Variants in GNG4 observed in about 807,000 individuals in gnomAD.
The protein encoded by GNG4 is G protein subunit gamma 4.
Under a neutral mutation model 5.8 loss-of-function variants are expected in GNG4, and 4 were observed. That is an observed-to-expected ratio of 0.69 (90% confidence interval 0.34 to 1.57). The LOEUF (loss-of-function observed/expected upper bound fraction) is 1.57, where lower values mean the gene tolerates loss of function less well. Ranked by LOEUF, GNG4 falls within the 40% of genes most tolerant of loss-of-function variation. The pLI is 0.06. For missense variants in GNG4, 96 were observed against 95.1 expected, an observed-to-expected ratio of 1.01 and a Z score of -0.04; for synonymous variants, 29 against 32.9, an observed-to-expected ratio of 0.88 and a Z score of 0.41.
rs1295292921 is a variant in GNG4 at position 235,607,180 on chromosome 1, C to T, written c.-122-11669G>A. 2.0e-5 allele frequency among the ~76,000 whole-genome samples: 3 copies of T among 152,066 alleles called. No homozygotes were observed. In the East Asian group the frequency reaches 5.8e-4, roughly 29 times the overall value. On this transcript the variant is annotated intron_variant, in intron 1 of 3. Coordinates refer to ENST00000391854, the MANE Select transcript of GNG4 (RefSeq NM_001098722.2). The stretch of plus-strand genomic sequence containing the variant: ...CAGGCTGGTCTTGAACTCCTGACCT[C>T]AAATGATCCCCCCGCCTTGGCCTCC...
intron 2 of GNG4, among the ~76,000 whole-genome samples, chr1:235,594,899 G>C (rs775379446): frequency 6.6e-6 from 1 of 152,222 alleles, no homozygotes; most frequent in Admixed American, 6.5e-5. Context: ...AGGAGGCGCC[G>C]AGAGCGAGCA....
intron 1 of GNG4, chr1:235,616,017 G>A (rs1055063834): frequency 3.9e-5 from 13 of 336,130 alleles, no homozygotes; most frequent in Non-Finnish European, 5.2e-5. Flanking sequence ...CTCTTTCACC[G>A]TCTGTGTGGT....
At chr1:235,603,982 CT>C (rs1224595973) in intron 1 of GNG4, among the ~76,000 whole-genome samples, 2 of 152,068 alleles carry the variant, frequency 1.3e-5, no homozygotes, top group Non-Finnish European at 2.9e-5. Context: ...TATCCACTCC[CT>C]CACCTAGCTG....
rs186340438 is a variant in GNG4 at position 235,584,377 on chromosome 1, C to A, written c.-10-529G>T. Among the ~76,000 whole-genome samples, 22 of 152,270 alleles carry A rather than the reference C, an allele frequency of 1.4e-4. No homozygotes were observed. In the East Asian group the frequency reaches 3.7e-3, roughly 25 times the overall value. Reference sequence around the variant, plus strand: ...CAAACTCAAAGCTTTGAAGCCTAGCCGAGTGTCTCAAATGGCCTCTCCTAA... The same window carrying A: ...CAAACTCAAAGCTTTGAAGCCTAGCAGAGTGTCTCAAATGGCCTCTCCTAA... On this transcript the variant is annotated intron_variant, in intron 2 of 3. Transcript: ENST00000391854.
rs866482337 is a variant in GNG4 at position 235,649,699 on chromosome 1, G to C, written c.-160C>G. Reference sequence around the variant, plus strand: ...CACGCGCGGGCTTCGTCTGCAGCGCGGTGCTCGCGGGGGGCGGCCAGGCCG... The same window carrying C: ...CACGCGCGGGCTTCGTCTGCAGCGCCGTGCTCGCGGGGGGCGGCCAGGCCG... On this transcript the variant is annotated 5_prime_UTR_variant, in exon 1 of 4. Transcript: ENST00000391854. This position sits in a 1 kb window ranked among gnomAD's most constrained non-coding sequence, Gnocchi z 5.7. 1.4e-4 allele frequency: 22 copies of C among 152,038 alleles called. No individual in the cohort carries two copies. Among genetic ancestry groups the C allele is most frequent in the Middle Eastern group, 3.4e-3 (1 of 294 alleles). 9.4% of individuals were successfully genotyped at this position (152,038 alleles called of 1,614,324 possible).
chr1:235,556,234 C>A (rs1457306055), intron 3 of GNG4, among the ~76,000 whole-genome samples: 1 of 151,834 alleles, frequency 6.6e-6, no homozygotes, highest in African/African-American at 2.4e-5. Context: ...AACTGAGGCA[C>A]AAAGGTTAAG....
At chr1:235,585,313 C>T (rs1180797148) in intron 2 of GNG4, among the ~76,000 whole-genome samples, 2 of 152,068 alleles carry the variant, frequency 1.3e-5, no homozygotes, top group African/African-American at 4.8e-5. Flanking sequence ...AATCACAGCT[C>T]ACTGCAGCCT....
At chr1:235,647,289 C>T (rs1657534281) in intron 1 of GNG4, among the ~76,000 whole-genome samples, 1 of 151,970 alleles carries the variant, frequency 6.6e-6, no homozygotes, top group Admixed American at 6.6e-5. Flanking sequence ...AGCAGTATAT[C>T]CTTAAAAGGT....
At chr1:235,592,184 T>C (rs1384448826) in intron 2 of GNG4, among the ~76,000 whole-genome samples, 1 of 152,162 alleles carries the variant, frequency 6.6e-6, no homozygotes, top group Non-Finnish European at 1.5e-5. Flanking sequence ...AACTGAGGAC[T>C]CAACTCTGAC....
intron 3 of GNG4, among the ~76,000 whole-genome samples, chr1:235,562,173 C>G: frequency 6.6e-6 from 1 of 152,194 alleles, no homozygotes. Context: ...TACACGTCTA[C>G]TCTTTCACCA....
At chr1:235,565,183 C>T (rs562348229) in intron 3 of GNG4, among the ~76,000 whole-genome samples, 1 of 152,240 alleles carries the variant, frequency 6.6e-6, no homozygotes, top group South Asian at 2.1e-4. Flanking sequence ...AAGGTCGTCT[C>T]TGAGCAAGTC....
intron 3 of GNG4, among the ~76,000 whole-genome samples, chr1:235,575,989 T>G (rs1299921426): frequency 3.3e-5 from 5 of 152,016 alleles, no homozygotes; most frequent in Admixed American, 3.3e-4. Flanking sequence ...CCTCTTACAC[T>G]CTGCTCAGCT....
intron 1 of GNG4, among the ~76,000 whole-genome samples, chr1:235,620,794 C>T (rs1289991018): frequency 6.6e-6 from 1 of 152,202 alleles, no homozygotes; most frequent in Non-Finnish European, 1.5e-5. Flanking sequence ...CTCGGCCTCT[C>T]AAAGTGCTGG....
chr1:235,550,243 C>G lies in GNG4; in HGVS notation c.*1866G>C, dbSNP rs1012279304. The G allele has an allele frequency of 2.6e-5, 4 of 152,208 alleles. No homozygotes were observed. Among genetic ancestry groups the G allele is most frequent in the Non-Finnish European group, 5.9e-5 (4 of 68,054 alleles). 9.4% of individuals were successfully genotyped at this position (152,208 alleles called of 1,614,324 possible). On this transcript the variant is annotated 3_prime_UTR_variant, in exon 4 of 4. Coordinates refer to ENST00000391854, the MANE Select transcript of GNG4 (RefSeq NM_001098722.2). The stretch of plus-strand genomic sequence containing the variant: ...TCCATGAATCACCTTCCTTAAACTA[C>G]CAGAATACGGCTTCCTCCTGGAGAA...
intron 1 of GNG4, among the ~76,000 whole-genome samples, chr1:235,619,369 C>A (rs903595870): frequency 6.6e-6 from 1 of 151,718 alleles, no homozygotes; most frequent in East Asian, 1.9e-4. Flanking sequence ...TGCACTCCGG[C>A]CTGGGTGACA....
chr1:235,596,460 C>T (rs1688128343), intron 1 of GNG4, among the ~76,000 whole-genome samples: 1 of 152,100 alleles, frequency 6.6e-6, no homozygotes, highest in African/African-American at 2.4e-5. Flanking sequence ...TCATTTGAAC[C>T]CGACAGGCAG....
At position 235,603,784 on chromosome 1, in the gene GNG4, G is replaced by T. The variant is rs534049195; in HGVS notation, c.-122-8273C>A. Among the ~76,000 whole-genome samples, 144 of 152,322 alleles carry T rather than the reference G, an allele frequency of 9.5e-4. 1 individual carries two copies. Among genetic ancestry groups the T allele is most frequent in the African/African-American group, 3.4e-3 (143 of 41,572 alleles). ...AGAGACAACCACAGTTTCTTAGGAAGAGCACGCGGGGTCCGAACGACGCTG... is the reference window on the plus strand; with the variant it reads ...AGAGACAACCACAGTTTCTTAGGAATAGCACGCGGGGTCCGAACGACGCTG... On this transcript the variant is annotated intron_variant, in intron 1 of 3. Coordinates refer to ENST00000391854, the MANE Select transcript of GNG4 (RefSeq NM_001098722.2).
At chr1:235,568,156 C>CA (rs1553364986) in intron 3 of GNG4, among the ~76,000 whole-genome samples, 1 of 67,840 alleles carries the variant, frequency 1.5e-5, no homozygotes, top group South Asian at 3.8e-4. Flanking sequence ...AATAAATCTG[C>CA]TTTTTTTTTT....
rs993542337 is a variant in GNG4, at chr1:235,551,291, C to T, written c.*818G>A. The T allele has an allele frequency of 6.6e-6, 1 of 152,320 alleles. No individual in the cohort carries two copies. Among genetic ancestry groups the T allele is most frequent in the African/African-American group, 2.4e-5 (1 of 41,468 alleles). 9.4% of individuals were successfully genotyped at this position (152,320 alleles called of 1,614,324 possible). A position where few individuals can be genotyped will look rare whatever the true frequency, so the allele number is the denominator to read the frequency against. ...GGGTGTGGTGGCTCACGCCTGTAATCCCAGCGCTTTGGGAGGCCGAGGCGG... is the reference window on the plus strand; with the variant it reads ...GGGTGTGGTGGCTCACGCCTGTAATTCCAGCGCTTTGGGAGGCCGAGGCGG... On this transcript the variant is annotated 3_prime_UTR_variant, in exon 4 of 4. Transcript: ENST00000391854.
Sources: gnomAD v4.1 joint callset for allele counts (sites outside exome capture counted in the v4.1 genomes callset) on GRCh38, gnomAD v4.1.1 for gene constraint, Gnocchi (gnomAD v3.1) non-coding constraint, MANE v1.5 for transcripts, NCBI Gene and HGNC (gene_info 2026-07-23, HGNC 2026-07-21) for gene names.